Variants in PJA2 observed in about 807,000 individuals in gnomAD.
PJA2 encodes E3 ubiquitin-protein ligase Praja-2.
Under a neutral mutation model 69.3 loss-of-function variants are expected in PJA2, and 25 were observed. The ratio of observed to expected loss-of-function variants is 0.36; its 90% confidence interval spans 0.26 to 0.50. The LOEUF (loss-of-function observed/expected upper bound fraction) is 0.50. Ranked by LOEUF, PJA2 falls within the 20% of genes least tolerant of loss-of-function variation. The pLI is 0.96. For missense variants in PJA2, 809 were observed against 830.2 expected, an observed-to-expected ratio of 0.97 and a Z score of 0.31; for synonymous variants, 308 against 277.8, an observed-to-expected ratio of 1.11 and a Z score of -1.08.
intron 1 of PJA2, among the ~76,000 whole-genome samples, chr5:109,403,536 T>C (rs1686168832): frequency 6.6e-6 from 1 of 151,356 alleles, no homozygotes; most frequent in Admixed American, 6.6e-5. Flanking sequence ...TATGAAAAAG[T>C]ATCTTTCATG....
intron 1 of PJA2, among the ~76,000 whole-genome samples, chr5:109,386,947 C>A (rs1374833607): frequency 6.6e-6 from 1 of 152,146 alleles, no homozygotes; most frequent in Non-Finnish European, 1.5e-5. Context: ...TTAAATTTTT[C>A]CTACACAGCA....
At chr5:109,380,117 G>A (rs1339801274) in intron 3 of PJA2, among the ~76,000 whole-genome samples, 2 of 132,256 alleles carry the variant, frequency 1.5e-5, no homozygotes, top group South Asian at 2.4e-4. Flanking sequence ...TTTTTGAGAC[G>A]GAGTCTTGCT....
At chr5:109,374,523 CT>C (rs11348821) in intron 4 of PJA2, among the ~76,000 whole-genome samples, 66,002 of 151,974 alleles carry the variant, frequency 0.43, 17,612 homozygotes, top group Non-Finnish European at 0.59. Flanking sequence ...GCTAGTGAAC[CT>C]TGTGGGAACA....
chr5:109,403,416 G>A (rs1747607761), intron 1 of PJA2, among the ~76,000 whole-genome samples: 1 of 151,944 alleles, frequency 6.6e-6, no homozygotes, highest in Non-Finnish European at 1.5e-5. Flanking sequence ...AGGACCAGAA[G>A]AGTTCACATG....
chr5:109,339,614 G>A (rs1041131589), intron 9 of PJA2, among the ~76,000 whole-genome samples: 17 of 152,176 alleles, frequency 1.1e-4, no homozygotes, highest in African/African-American at 4.1e-4. Context: ...AAGAGTTGGT[G>A]GCTCTGCATT....
At chr5:109,392,825 C>T (rs1279512413) in intron 1 of PJA2, among the ~76,000 whole-genome samples, 4 of 152,212 alleles carry the variant, frequency 2.6e-5, no homozygotes, top group Middle Eastern at 3.4e-3. Flanking sequence ...AAACGAAATC[C>T]GGCCTGTTTC....
intron 4 of PJA2, among the ~76,000 whole-genome samples, chr5:109,376,506 A>G (rs536920472): frequency 1.3e-4 from 19 of 151,996 alleles, no homozygotes; most frequent in African/African-American, 4.3e-4. Flanking sequence ...CAATTTCATC[A>G]ACTTCATCAT....
intron 1 of PJA2, among the ~76,000 whole-genome samples, chr5:109,391,139 G>A (rs1304456399): frequency 1.3e-5 from 2 of 152,146 alleles, no homozygotes; most frequent in African/African-American, 4.8e-5. Context: ...AGCACTGTCT[G>A]TAGTTCTTTT....
intron 6 of PJA2, among the ~76,000 whole-genome samples, chr5:109,356,870 C>T (rs1359962613): frequency 6.6e-6 from 1 of 151,984 alleles, no homozygotes; most frequent in East Asian, 1.9e-4. Context: ...AACCATTAAG[C>T]TCCTAGAAGA....
chr5:109,351,621 T>C (rs1468540034), intron 7 of PJA2, among the ~76,000 whole-genome samples: 1 of 152,052 alleles, frequency 6.6e-6, no homozygotes, highest in Non-Finnish European at 1.5e-5. Flanking sequence ...TTTCAAAAGG[T>C]TAAAGATGTT....
intron 4 of PJA2, among the ~76,000 whole-genome samples, chr5:109,372,922 A>AG (rs1762699344): frequency 7.0e-6 from 1 of 142,000 alleles, no homozygotes; most frequent in African/African-American, 2.6e-5. Context: ...AAAAAAAAAA[A>AG]AAAAGAAAGA....
chr5:109,397,391 T>C (rs922976018), intron 1 of PJA2, among the ~76,000 whole-genome samples: 9 of 152,142 alleles, frequency 5.9e-5, no homozygotes, highest in Admixed American at 2.6e-4. Context: ...GTTCCACTTC[T>C]ACAGGGTATA....
intron 1 of PJA2, among the ~76,000 whole-genome samples, chr5:109,402,922 A>T (rs1350803809): frequency 2.0e-5 from 3 of 152,142 alleles, no homozygotes. Context: ...CACCTCAGGC[A>T]GTGCTTGGAA....
intron 7 of PJA2, among the ~76,000 whole-genome samples, chr5:109,349,361 A>G (rs1762215406): frequency 6.6e-6 from 1 of 152,172 alleles, no homozygotes; most frequent in African/African-American, 2.4e-5. Context: ...TGCTGGAGGA[A>G]AGGGCCTTCC....
chr5:109,361,191 C>G (rs1001657333), intron 6 of PJA2, among the ~76,000 whole-genome samples: 1 of 152,162 alleles, frequency 6.6e-6, no homozygotes, highest in African/African-American at 2.4e-5. Flanking sequence ...TTAGGTAAAA[C>G]AACCCTTTTG....
At chr5:109,385,249 G>C (rs1446136036) in intron 1 of PJA2, among the ~76,000 whole-genome samples, 1 of 152,234 alleles carries the variant, frequency 6.6e-6, no homozygotes, top group Non-Finnish European at 1.5e-5. Flanking sequence ...CTAAAGCAGG[G>C]AGCACTGTTA....
chr5:109,389,229 A>G (rs1242464150), intron 1 of PJA2, among the ~76,000 whole-genome samples: 2 of 152,138 alleles, frequency 1.3e-5, no homozygotes, highest in East Asian at 3.8e-4. Context: ...ACCCAGGATT[A>G]TATCTTACTT....
Position 109,378,208 on chromosome 5 carries a change from C to T in PJA2, c.1279G>A (p.Asp427Asn), listed in dbSNP as rs760394293. The T allele has an allele frequency of 2.5e-6, 4 of 1,608,210 alleles. No individual in the cohort carries two copies. The highest frequency in any genetic ancestry group is 3.4e-6 in the Non-Finnish European group (4 of 1,176,456). ...AAGTACTGGATGTGACCTTACCTAT[C>T]TTCATCTTTGTCATAGAGTTGGTAA... ...DYYQLYDKDE[D>N]SSECSDGEWS... Residue 427 changes from aspartate to asparagine, a missense_variant, in exon 4 of 10, where the codon GAT (aspartate) becomes AAT (asparagine). Physicochemically the swap from Asp to Asn is conservative, Grantham distance 23. This residue lies in a region of PJA2 where 700 missense variants were observed against 639.5 expected (regional missense o/e 1.09). Coordinates refer to ENST00000361189, the MANE Select transcript of PJA2 (RefSeq NM_014819.5).
chr5:109,381,766 G>A, intron 2 of PJA2, 63 bp from the exon 3 acceptor site: 1 of 1,361,698 alleles, frequency 7.3e-7, no homozygotes, highest in Non-Finnish European at 1.0e-6. Context: ...GCAACCTGTT[G>A]GGGAAAACTA....
Sources: allele counts gnomAD v4.1 joint callset (sites outside exome capture counted in the v4.1 genomes callset), GRCh38; gene constraint gnomAD v4.1.1; regional missense constraint gnomAD v4.1.1; transcripts MANE v1.5; gene names NCBI Gene and HGNC (gene_info 2026-07-23, HGNC 2026-07-21).